CNTN4: variants seen among roughly 807,000 people sequenced by gnomAD.
The protein encoded by CNTN4 is contactin 4.
A neutral mutation model predicts 122.5 loss-of-function variants in CNTN4; 77 were observed. The observed-to-expected ratio is 0.63, with a 90% CI of 0.52 to 0.76. CNTN4 has a LOEUF of 0.76. Among genes scored for constraint, CNTN4 ranks in the 30% least tolerant of loss-of-function variants. The pLI, the probability that CNTN4 is intolerant of heterozygous loss-of-function variation, is 0.00. For missense variants in CNTN4, 1,256 were observed against 1,259.1 expected (o/e 1.00, Z 0.04); for synonymous variants, 512 against 447.0 (o/e 1.15, Z -1.83).
At chr3:2,440,454 T>C (rs997290341) in intron 3 of CNTN4, among the ~76,000 whole-genome samples, 12 of 152,198 alleles carry the variant, frequency 7.9e-5, no homozygotes, top group Admixed American at 3.3e-4. Context: ...TTAATACATA[T>C]TGTGAGCAGA....
At chr3:2,358,862 G>GGT (rs1559483708) in intron 3 of CNTN4, among the ~76,000 whole-genome samples, 1 of 152,080 alleles carries the variant, frequency 6.6e-6, no homozygotes, top group Non-Finnish European at 1.5e-5. Context: ...AATACCAGAG[G>GGT]ATGTCATGAA....
chr3:2,838,827 T>C (rs1198288571), intron 7 of CNTN4, among the ~76,000 whole-genome samples: 8 of 152,200 alleles, frequency 5.3e-5, no homozygotes, highest in African/African-American at 1.7e-4. Context: ...CCATTAATAA[T>C]GGACTGTCCC....
At chr3:2,762,049 A>G (rs2090614935) in intron 6 of CNTN4, among the ~76,000 whole-genome samples, 1 of 152,188 alleles carries the variant, frequency 6.6e-6, no homozygotes, top group South Asian at 2.1e-4. Context: ...TGAACTAGAC[A>G]GATATGAAGT....
intron 14 of CNTN4, among the ~76,000 whole-genome samples, chr3:3,017,108 T>A (rs1697831787): frequency 6.6e-6 from 1 of 152,222 alleles, no homozygotes; most frequent in Non-Finnish European, 1.5e-5. Flanking sequence ...AGGGCAGACT[T>A]CCTTGTCTTC....
chr3:2,457,815 C>T (rs1038750939), intron 3 of CNTN4, among the ~76,000 whole-genome samples: 4 of 152,110 alleles, frequency 2.6e-5, no homozygotes, highest in African/African-American at 9.7e-5. Context: ...TCTCAAGGTA[C>T]GTTTACATCC....
At chr3:2,680,004 C>A (rs2085080069) in intron 4 of CNTN4, among the ~76,000 whole-genome samples, 1 of 152,030 alleles carries the variant, frequency 6.6e-6, no homozygotes, top group Non-Finnish European at 1.5e-5. Context: ...TTTTTAGAAG[C>A]TATAAGTTAT....
chr3:2,478,429 CTTTTA>C (rs1247063493), intron 3 of CNTN4, among the ~76,000 whole-genome samples: 1 of 146,410 alleles, frequency 6.8e-6, no homozygotes, highest in Admixed American at 6.8e-5. Context: ...TTATTTCCAA[CTTTTA>C]TTTTAAGTTC....
At chr3:2,844,355 G>T (rs2093418846) in intron 7 of CNTN4, among the ~76,000 whole-genome samples, 1 of 152,098 alleles carries the variant, frequency 6.6e-6, no homozygotes. Flanking sequence ...TTTATGTTAA[G>T]GTCACCATAG....
intron 4 of CNTN4, among the ~76,000 whole-genome samples, chr3:2,649,339 G>A (rs190213524): frequency 4.4e-4 from 67 of 152,246 alleles, no homozygotes; most frequent in African/African-American, 1.4e-3. Flanking sequence ...TTCAAAGGAC[G>A]GGCTTACTTT....
At chr3:2,259,524 GGACTCACAGT>G (rs1438727698) in intron 2 of CNTN4, among the ~76,000 whole-genome samples, 1 of 152,152 alleles carries the variant, frequency 6.6e-6, no homozygotes, top group African/African-American at 2.4e-5. Flanking sequence ...GCGGTTTAAT[GGACTCACAGT>G]TCCACGTGTC....
chr3:2,272,745 T>C (rs2041350705), intron 2 of CNTN4, among the ~76,000 whole-genome samples: 2 of 152,156 alleles, frequency 1.3e-5, no homozygotes, highest in Non-Finnish European at 1.5e-5. Context: ...TGCAATTAAG[T>C]GATTACTTAT....
chr3:2,451,919 C>G (rs927294233), intron 3 of CNTN4, among the ~76,000 whole-genome samples: 1 of 152,104 alleles, frequency 6.6e-6, no homozygotes, highest in Non-Finnish European at 1.5e-5. Context: ...AACAAGAACT[C>G]AGGGCACACA....
At chr3:2,461,436 G>T (rs895341550) in intron 3 of CNTN4, among the ~76,000 whole-genome samples, 8 of 151,992 alleles carry the variant, frequency 5.3e-5, no homozygotes, top group Admixed American at 4.6e-4. Flanking sequence ...TAATATCCAG[G>T]TATTATGGTT....
At chr3:3,003,139 G>T (rs1207274753) in intron 14 of CNTN4, among the ~76,000 whole-genome samples, 1 of 152,176 alleles carries the variant, frequency 6.6e-6, no homozygotes, top group East Asian at 1.9e-4. Flanking sequence ...GAGAAAACTG[G>T]TTCATTTGAA....
intron 4 of CNTN4, among the ~76,000 whole-genome samples, chr3:2,692,380 G>A (rs1166089637): frequency 6.6e-6 from 1 of 152,074 alleles, no homozygotes; most frequent in South Asian, 2.1e-4. Flanking sequence ...TTTCCTGCCA[G>A]CCTACTTTCT....
At chr3:2,424,571 G>T (rs1575600196) in intron 3 of CNTN4, among the ~76,000 whole-genome samples, 1 of 152,182 alleles carries the variant, frequency 6.6e-6, no homozygotes, top group East Asian at 1.9e-4. Context: ...AATCCTTTGG[G>T]TATATACCCA....
intron 18 of CNTN4, 62 bp from the exon 19 acceptor site, chr3:3,038,871 C>A (rs1215360322): frequency 7.0e-6 from 10 of 1,424,462 alleles, no homozygotes; most frequent in Non-Finnish European, 9.9e-6. Flanking sequence ...TGCCAGGCAA[C>A]CTTCCTGGCC....
At chr3:2,663,834 T>G (rs970689074) in intron 4 of CNTN4, among the ~76,000 whole-genome samples, 1 of 152,216 alleles carries the variant, frequency 6.6e-6, no homozygotes, top group African/African-American at 2.4e-5. Flanking sequence ...AAAGTACTGA[T>G]GCATACATAT....
intron 2 of CNTN4, among the ~76,000 whole-genome samples, chr3:2,108,888 T>C (rs1173447858): frequency 6.6e-6 from 1 of 152,176 alleles, no homozygotes; most frequent in Admixed American, 6.5e-5. Flanking sequence ...TGTTATGGAT[T>C]GTTGTTATTC....
Sources: gnomAD v4.1 joint callset for allele counts (sites outside exome capture counted in the v4.1 genomes callset) on GRCh38, gnomAD v4.1.1 for gene constraint, MANE v1.5 for transcripts, NCBI Gene and HGNC (gene_info 2026-07-23, HGNC 2026-07-21) for gene names.